LAP3: variants seen among roughly 807,000 people sequenced by gnomAD.
The protein encoded by LAP3 is cytosol aminopeptidase.
A neutral mutation model predicts 58.8 loss-of-function variants in LAP3; 46 were observed. That is an observed-to-expected ratio of 0.78 (90% CI 0.62 to 1.00). The LOEUF is 1.00. LAP3 is among the 50% of genes least tolerant of loss of function. The probability of loss-of-function intolerance (pLI) is 0.00; values close to 1 mark genes in which losing one functional copy is unlikely to be tolerated. For missense variants in LAP3, 615 were observed against 659.1 expected (o/e 0.93, Z 0.73); for synonymous variants, 257 against 237.7 (o/e 1.08, Z -0.75).
intron 11 of LAP3, among the ~76,000 whole-genome samples, chr4:17,605,423 G>A (rs908640263): frequency 3.9e-5 from 6 of 152,156 alleles, no homozygotes; most frequent in African/African-American, 1.4e-4. Flanking sequence ...CATGTTGCCT[G>A]ATGGCTCCCA....
chr4:17,580,161 C>T (rs1005880357), intron 2 of LAP3, among the ~76,000 whole-genome samples: 1 of 52,000 alleles, frequency 1.9e-5, no homozygotes, highest in South Asian at 5.3e-4. Flanking sequence ...CCACTCCCGG[C>T]TTTCATATAT....
chr4:17,596,137 C>G (rs1372936676), intron 8 of LAP3, among the ~76,000 whole-genome samples: 2 of 152,028 alleles, frequency 1.3e-5, no homozygotes, highest in African/African-American at 4.8e-5. Flanking sequence ...AGACATGCCC[C>G]CCTCCTTCAC....
chr4:17,590,616 G>A (rs914145091), intron 7 of LAP3, among the ~76,000 whole-genome samples: 1 of 152,124 alleles, frequency 6.6e-6, no homozygotes, highest in Non-Finnish European at 1.5e-5. Context: ...CTGTTGCCCA[G>A]GCTGGAGTGC....
At position 17,604,651 on chromosome 4, in the gene LAP3, G is replaced by C. The variant is rs199781902; in HGVS notation, c.1244G>C (p.Trp415Ser). The C allele has an allele frequency of 8.7e-5, 140 of 1,611,732 alleles. No individual in the cohort carries two copies. Among genetic ancestry groups the C allele is most frequent in the Non-Finnish European group, 1.1e-4 (130 of 1,177,916 alleles). ...GTCTTTACCAATTCATCCTGGCTCT[G>C]GAACAAACTCTTCGAGGTAGGAATA... Reference protein sequence around the residue: ...TGVFTNSSWLWNKLFEASIET... With the variant: ...TGVFTNSSWLSNKLFEASIET... Residue 415 changes from tryptophan (W) to serine (S), a missense_variant, in exon 11 of 13, where the codon TGG becomes TCG. Coordinates refer to ENST00000226299, the MANE Select transcript of LAP3 (RefSeq NM_015907.3).
rs771649949 is a variant in LAP3, at chr4:17,598,518, G to A, written c.1140G>A (p.Thr380=). 28 of 1,613,988 alleles carry A rather than the reference G, an allele frequency of 1.7e-5. No homozygotes were observed. In the Admixed American group the frequency reaches 2.2e-4, roughly 12 times the overall value. Residue 380 remains threonine, a synonymous_variant, in exon 10 of 13, where the codon ACG becomes ACA. Transcript: ENST00000226299. ...CTGATGCGCTCTGTTACGCACACACGTTTAACCCGAAGGTCATCCTCAATG... is the reference window on the plus strand; with the variant it reads ...CTGATGCGCTCTGTTACGCACACACATTTAACCCGAAGGTCATCCTCAATG... ...ILADALCYAH[T]FNPKVILNAA...
At position 17,582,093 on chromosome 4, in the gene LAP3, A is replaced by C. The variant is rs534278383; in HGVS notation, c.274-195A>C. 36 of 612,442 alleles carry C rather than the reference A, an allele frequency of 5.9e-5. No homozygotes were observed. The East Asian group carries it at 6.7e-4, about 11-fold the overall frequency. The allele number at this position is 612,442 out of a possible 1,614,324, so 37.9% of individuals were successfully genotyped here. ...ACTTACTCTGCCTCTCAAACCTATAAGTTATACAATTTTGCCAGGACACAA... is the reference window on the plus strand; with the variant it reads ...ACTTACTCTGCCTCTCAAACCTATACGTTATACAATTTTGCCAGGACACAA... On this transcript the variant is annotated intron_variant, in intron 3 of 12. Transcript: ENST00000226299.
At position 17,585,035 on chromosome 4, in the gene LAP3, A is replaced by C; in HGVS notation, c.603A>C (p.Gln201His). Reference sequence around the variant, plus strand: ...CTTCTGGGCAGAACTTGGCACGCCAATTGATGGAGACGCCAGCCAATGAGA... The same window carrying C: ...CTTCTGGGCAGAACTTGGCACGCCACTTGATGGAGACGCCAGCCAATGAGA... The part of the protein sequence containing the change: ...LFASGQNLAR[Q>H]LMETPANEMT... The change falls in exon 6 of 13, where the codon CAA (glutamine) becomes CAC (histidine). Residue 201 changes from glutamine to histidine, a missense_variant. By Grantham distance (24) the Gln-to-His change is conservative. Transcript: ENST00000226299. The C allele has an allele frequency of 6.2e-7, 1 of 1,614,166 alleles. No homozygotes were observed. The highest frequency in any genetic ancestry group is 8.5e-7 in the Non-Finnish European group (1 of 1,180,004).
intron 7 of LAP3, among the ~76,000 whole-genome samples, chr4:17,589,821 T>C (rs1032118830): frequency 1.2e-4 from 18 of 152,334 alleles, no homozygotes; most frequent in African/African-American, 3.8e-4. Context: ...TTAAAGATTC[T>C]CCACGAGGTT....
intron 9 of LAP3, 39 bp from the exon 10 acceptor site, chr4:17,598,417 A>T: frequency 7.0e-7 from 1 of 1,425,228 alleles, no homozygotes. Flanking sequence ...CATATTCTTT[A>T]CTTGCGCTGT....
At chr4:17,606,370 C>T (rs574498430) in intron 11 of LAP3, among the ~76,000 whole-genome samples, 94 of 152,234 alleles carry the variant, frequency 6.2e-4, no homozygotes, top group Admixed American at 1.0e-3. Context: ...GACGGAGCCT[C>T]GCTCTGTCGC....
chr4:17,599,074 T>G (rs1023619953), intron 10 of LAP3, among the ~76,000 whole-genome samples: 1 of 151,928 alleles, frequency 6.6e-6, no homozygotes, highest in Non-Finnish European at 1.5e-5. Flanking sequence ...GGTTTAACCA[T>G]GTTGGCCGGG....
Position 17,584,962 on chromosome 4 carries a change from C to G in LAP3, c.540-10C>G, listed in dbSNP as rs78538107. The G allele has an allele frequency of 6.2e-7, 1 of 1,612,194 alleles. No individual in the cohort carries two copies. On this transcript the variant is annotated splice_polypyrimidine_tract_variant and intron_variant, in intron 5 of 12. Coordinates refer to ENST00000226299, the MANE Select transcript of LAP3 (RefSeq NM_015907.3). ...GTTGTTTGACAGTCACTTTATCTTT[C>G]TTCTGCCAGTGGGGATCAGGAGGCC...
At chr4:17,578,140 G>A (rs752022091) in intron 1 of LAP3, among the ~76,000 whole-genome samples, 2 of 152,234 alleles carry the variant, frequency 1.3e-5, no homozygotes, top group Non-Finnish European at 2.9e-5. Context: ...CTCTTCAGAT[G>A]TGAAGGATCT....
intron 11 of LAP3, among the ~76,000 whole-genome samples, chr4:17,605,148 A>C (rs796643733): frequency 4.2e-4 from 56 of 132,632 alleles, no homozygotes; most frequent in Admixed American, 1.1e-3. Context: ...ACACACACAC[A>C]CCCTCACTTA....
chr4:17,599,866 G>A (rs1713943308), intron 10 of LAP3, among the ~76,000 whole-genome samples: 1 of 152,184 alleles, frequency 6.6e-6, no homozygotes, highest in Non-Finnish European at 1.5e-5. Context: ...CCACTTACTA[G>A]TCAGTTAGCC....
intron 1 of LAP3, among the ~76,000 whole-genome samples, chr4:17,579,377 G>A (rs1360852764): frequency 6.6e-6 from 1 of 152,206 alleles, no homozygotes; most frequent in Non-Finnish European, 1.5e-5. Flanking sequence ...CTTTTAGGGA[G>A]AAAGGGAGGT....
At chr4:17,584,431 G>C (rs1383815954) in intron 5 of LAP3, among the ~76,000 whole-genome samples, 1 of 152,224 alleles carries the variant, frequency 6.6e-6, no homozygotes, top group African/African-American at 2.4e-5. Flanking sequence ...AGCCAGGGTT[G>C]TGAAACACGT....
chr4:17,582,023 G>A (rs879081731), intron 3 of LAP3: 16 of 593,182 alleles, frequency 2.7e-5, no homozygotes, highest in African/African-American at 1.3e-4. Flanking sequence ...TTCTTTATCC[G>A]GTTGTGGCTC....
At position 17,579,807 on chromosome 4, in the gene LAP3, T is replaced by G; in HGVS notation, c.103-17T>G. 6.9e-7 allele frequency: 1 copy of G among 1,456,996 alleles called. No homozygotes were observed. Among genetic ancestry groups the G allele is most frequent in the Non-Finnish European group, 9.6e-7 (1 of 1,043,980 alleles). The allele number at this position is 1,456,996 out of a possible 1,614,324, so 90.3% of individuals were successfully genotyped here. On this transcript the variant is annotated splice_polypyrimidine_tract_variant and intron_variant, in intron 1 of 12. Transcript: ENST00000226299. Reference sequence around the variant, plus strand: ...TACTCTAATTCTATTATATTTACGTTTTTTGCTTATTCCCAGGGCCTTGTT... The same window carrying G: ...TACTCTAATTCTATTATATTTACGTGTTTTGCTTATTCCCAGGGCCTTGTT...
Sources: allele counts gnomAD v4.1 joint callset (sites outside exome capture counted in the v4.1 genomes callset), GRCh38; gene constraint gnomAD v4.1.1; transcripts MANE v1.5; gene names NCBI Gene and HGNC (gene_info 2026-07-23, HGNC 2026-07-21).